The following MTSS1 variants were observed in gnomAD, a reference collection of about 807,000 sequenced individuals.
The protein encoded by MTSS1 is protein MTSS 1.
MTSS1 carries 18 observed loss-of-function variants against 79.0 expected under a neutral mutation model. That is an observed-to-expected ratio of 0.23 (90% CI 0.16 to 0.34). The LOEUF (loss-of-function observed/expected upper bound fraction) is 0.34. Ranked by LOEUF, MTSS1 falls within the 10% of genes least tolerant of loss-of-function variation. The pLI is 1.00. For missense variants in MTSS1, 815 were observed against 986.2 expected (o/e 0.83, Z 2.33); for synonymous variants, 341 against 368.6 (o/e 0.93, Z 0.86).
Position 124,727,741 on chromosome 8 carries a change from A to T in MTSS1, c.72+143T>A, listed in dbSNP as rs1833946486. The T allele has an allele frequency of 1.4e-6, 1 of 705,490 alleles. No individual in the cohort carries two copies. Among genetic ancestry groups the T allele is most frequent in the Admixed American group, 2.7e-5 (1 of 37,490 alleles). The allele number at this position is 705,490 out of a possible 1,614,324, so 43.7% of individuals were successfully genotyped here. On this transcript the variant is annotated intron_variant, in intron 1 of 13. Transcript: ENST00000518547. This position sits in a 1 kb window ranked among gnomAD's most constrained non-coding sequence, Gnocchi z 4.7. ...GAGCAGCGCCCCGGGTGAGCAGGTG[A>T]CACTCCGGCCGGGAGCTCCCGCAGG...
intron 3 of MTSS1, among the ~76,000 whole-genome samples, chr8:124,661,953 A>T (rs191320991): frequency 1.3e-3 from 203 of 152,292 alleles, no homozygotes; most frequent in African/African-American, 4.8e-3. Context: ...GAGAGGCTCA[A>T]GATGGCTCTC....
At chr8:124,586,615 T>C (rs1266431854) in intron 5 of MTSS1, among the ~76,000 whole-genome samples, 1 of 152,182 alleles carries the variant, frequency 6.6e-6, no homozygotes, top group Non-Finnish European at 1.5e-5. Flanking sequence ...TGCGTGTGGC[T>C]GCTACTCGGG....
intron 6 of MTSS1, among the ~76,000 whole-genome samples, chr8:124,577,810 C>A (rs1217330957): frequency 6.6e-6 from 1 of 152,198 alleles, no homozygotes; most frequent in East Asian, 1.9e-4. Context: ...GCTCCTAGTA[C>A]TATCCCTCCT....
intron 3 of MTSS1, among the ~76,000 whole-genome samples, chr8:124,661,716 G>A (rs1436993925): frequency 6.6e-6 from 1 of 152,126 alleles, no homozygotes; most frequent in Non-Finnish European, 1.5e-5. Flanking sequence ...GGCTAGGGAG[G>A]AACCTGGGAA....
chr8:124,618,071 TATA>T (rs1423386154), intron 3 of MTSS1, among the ~76,000 whole-genome samples: 2 of 152,134 alleles, frequency 1.3e-5, no homozygotes, highest in African/African-American at 2.4e-5. Context: ...AAATACTTCC[TATA>T]ATAACATTCT....
intron 6 of MTSS1, among the ~76,000 whole-genome samples, chr8:124,576,514 C>T (rs1828986225): frequency 6.6e-6 from 1 of 151,770 alleles, no homozygotes; most frequent in Admixed American, 6.6e-5. Flanking sequence ...AGTGTAGATG[C>T]TACTTTTACC....
intron 3 of MTSS1, among the ~76,000 whole-genome samples, chr8:124,680,396 A>G (rs149280463): frequency 0.014 from 2,090 of 152,370 alleles, 28 homozygotes; most frequent in Non-Finnish European, 0.022. Context: ...ACTGCCAGCC[A>G]GAGCTGCTGC....
chr8:124,640,576 C>T (rs1437163876), intron 3 of MTSS1, among the ~76,000 whole-genome samples: 4 of 152,180 alleles, frequency 2.6e-5, no homozygotes, highest in East Asian at 3.8e-4. Context: ...TGGAGACTCG[C>T]TCTGTCACCC....
intron 3 of MTSS1, among the ~76,000 whole-genome samples, chr8:124,632,679 GTTTT>G (rs1587447630): frequency 6.6e-6 from 1 of 151,870 alleles, no homozygotes; most frequent in East Asian, 1.9e-4. Flanking sequence ...TTGTTTGTTT[GTTTT>G]TTGAGATGGA....
intron 2 of MTSS1, among the ~76,000 whole-genome samples, chr8:124,702,615 T>A (rs1829860632): frequency 6.6e-6 from 1 of 152,162 alleles, no homozygotes; most frequent in African/African-American, 2.4e-5. Flanking sequence ...GTCCTATGGC[T>A]AACACTCTGG....
At chr8:124,696,535 G>A (rs868278900) in intron 3 of MTSS1, among the ~76,000 whole-genome samples, 1 of 152,068 alleles carries the variant, frequency 6.6e-6, no homozygotes, top group Non-Finnish European at 1.5e-5. Flanking sequence ...CACTAAAAAT[G>A]ATCTGAAATC....
chr8:124,576,826 G>A (rs968583091), intron 6 of MTSS1, among the ~76,000 whole-genome samples: 2 of 152,188 alleles, frequency 1.3e-5, no homozygotes, highest in African/African-American at 2.4e-5. Context: ...ACCATATTAT[G>A]CAAGGAATAA....
intron 3 of MTSS1, among the ~76,000 whole-genome samples, chr8:124,626,982 G>T (rs1814815072): frequency 6.6e-6 from 1 of 152,078 alleles, no homozygotes; most frequent in Admixed American, 6.6e-5. Context: ...GCACACAGGG[G>T]TTGGACACGA....
At chr8:124,614,707 AT>A (rs1176091535) in intron 3 of MTSS1, among the ~76,000 whole-genome samples, 3 of 152,224 alleles carry the variant, frequency 2.0e-5, no homozygotes, top group Non-Finnish European at 4.4e-5. Context: ...TCCCATAACA[AT>A]GTTTCTATAG....
chr8:124,593,626 T>TACAC (rs1832245967), intron 3 of MTSS1, among the ~76,000 whole-genome samples: 1 of 152,162 alleles, frequency 6.6e-6, no homozygotes, highest in African/African-American at 2.4e-5. Context: ...GTACAGCGCT[T>TACAC]AGGATGTGCC....
At chr8:124,565,514 A>C in intron 9 of MTSS1, 148 bp downstream of exon 9, 2 of 701,270 alleles carry the variant, frequency 2.9e-6, no homozygotes, top group Non-Finnish European at 4.6e-6. Context: ...GAGCAAGACC[A>C]AAATTATTAC....
At chr8:124,688,175 C>T (rs149772760) in intron 3 of MTSS1, among the ~76,000 whole-genome samples, 12 of 151,602 alleles carry the variant, frequency 7.9e-5, no homozygotes, top group South Asian at 2.1e-4. Context: ...CGTACGTGTG[C>T]GTGTGTATGT....
At chr8:124,598,519 A>G (rs1833165170) in intron 3 of MTSS1, among the ~76,000 whole-genome samples, 1 of 152,150 alleles carries the variant, frequency 6.6e-6, no homozygotes, top group Non-Finnish European at 1.5e-5. Flanking sequence ...TGTTCCAGGG[A>G]AGCCACCTGA....
At chr8:124,649,006 T>C (rs980606680) in intron 3 of MTSS1, among the ~76,000 whole-genome samples, 8 of 152,256 alleles carry the variant, frequency 5.3e-5, no homozygotes, top group East Asian at 1.9e-4. Flanking sequence ...TCCCTTTCTA[T>C]CTGTTGTGGG....
Sources: allele counts gnomAD v4.1 joint callset (sites outside exome capture counted in the v4.1 genomes callset), GRCh38; gene constraint gnomAD v4.1.1; non-coding constraint Gnocchi (gnomAD v3.1); transcripts MANE v1.5; gene names NCBI Gene and HGNC (gene_info 2026-07-23, HGNC 2026-07-21).